Variants in RP2 observed in about 807,000 individuals in gnomAD.
The protein encoded by RP2 is RP2 activator of ARL3 GTPase.
Under a neutral mutation model 20.3 loss-of-function variants are expected in RP2, and 3 were observed. The observed-to-expected ratio is 0.15, with a 90% confidence interval of 0.07 to 0.38. RP2 has a LOEUF of 0.38. RP2 is among the 10% of genes least tolerant of loss of function. The pLI is 1.00. For synonymous variants in RP2, 75 were observed against 94.8 expected, an observed-to-expected ratio of 0.79 and a Z score of 1.22; for missense variants, 233 against 268.5, an observed-to-expected ratio of 0.87 and a Z score of 0.92.
At chrX:46,866,052 GCT>G (rs1288280843) in intron 3 of RP2, among the ~76,000 whole-genome samples, 1 of 111,672 alleles carries the variant, frequency 9.0e-6, no homozygotes, top group Non-Finnish European at 1.9e-5. Context: ...ACCATCTGGA[GCT>G]CTTTTAGGTT....
intron 1 of RP2, among the ~76,000 whole-genome samples, chrX:46,842,708 C>T (rs1161768901): frequency 8.9e-6 from 1 of 111,839 alleles, no homozygotes; most frequent in African/African-American, 3.3e-5. Context: ...GGACATTTCA[C>T]TTCATTGGAG....
rs1924903665 is a variant in RP2, at chrX:46,853,739, T to C, written c.366T>C (p.Cys122=). 4.1e-6 allele frequency: 5 copies of C among 1,210,619 alleles called. No individual in the cohort carries two copies. The highest frequency in any genetic ancestry group is 5.6e-6 in the Non-Finnish European group (5 of 895,470). Residue 122 remains cysteine (C), a synonymous_variant, in exon 2 of 5, where the codon TGT becomes TGC. Coordinates refer to ENST00000218340, the MANE Select transcript of RP2 (RefSeq NM_006915.3). ...GCCAACAATTTCGTGTGCGAGATTG[T>C]AGAAAGCTGGAAGTCTTTTTGTGTT... ...LACQQFRVRD[C]RKLEVFLCCA...
intron 1 of RP2, among the ~76,000 whole-genome samples, chrX:46,838,951 A>C (rs782526810): frequency 4.7e-4 from 53 of 111,840 alleles, no homozygotes; most frequent in Non-Finnish European, 8.3e-4. Flanking sequence ...GAGTTGTAAG[A>C]GATGTTATTG....
rs1159485221 is a variant in RP2 at position 46,869,353 on chromosome X, G to A, written c.884-8152G>A. ...TGCTCTTTGTTGCCCAGGCTGGACT[G>A]CGATGGCGCGATCTTGGCTCACCGC... On this transcript the variant is annotated intron_variant, in intron 3 of 4. Transcript: ENST00000218340. 2.8e-5 allele frequency among the ~76,000 whole-genome samples: 3 copies of A among 106,617 alleles called. No homozygotes were observed. The Admixed American group carries it at 3.0e-4, about 11-fold the overall frequency. 92.6% of individuals were successfully genotyped at this position (106,617 alleles called of 115,157 possible). A position where few individuals can be genotyped will look rare whatever the true frequency, so the allele number is the denominator to read the frequency against.
intron 1 of RP2, among the ~76,000 whole-genome samples, chrX:46,846,065 C>T (rs1390067164): frequency 1.8e-5 from 2 of 111,564 alleles, no homozygotes; most frequent in East Asian, 2.8e-4. Context: ...CACACCCAGC[C>T]GGGAGTTCCT....
chrX:46,865,704 C>T (rs186833803), intron 3 of RP2, among the ~76,000 whole-genome samples: 5,213 of 111,526 alleles, frequency 0.047, 297 homozygotes, highest in African/African-American at 0.16. Context: ...CTGAGGCAGG[C>T]GGATCACGAG....
At chrX:46,856,649 C>A (rs1405367952) in intron 2 of RP2, among the ~76,000 whole-genome samples, 6 of 111,570 alleles carry the variant, frequency 5.4e-5, no homozygotes, top group Non-Finnish European at 1.1e-4. Flanking sequence ...TAGGCCACAC[C>A]TTAACCCTTA....
chrX:46,870,823 G>A (rs533911006), intron 3 of RP2, among the ~76,000 whole-genome samples: 27 of 111,462 alleles, frequency 2.4e-4, no homozygotes, highest in African/African-American at 8.5e-4. Flanking sequence ...AATTTGAAAT[G>A]AAGGGATCTG....
intron 1 of RP2, among the ~76,000 whole-genome samples, chrX:46,847,767 T>TATACACAC (rs781898428): frequency 2.9e-4 from 20 of 68,493 alleles, no homozygotes; most frequent in East Asian, 2.1e-3. Context: ...TATACACACA[T>TATACACAC]GTGTGTGTGT....
chrX:46,847,730 GTA>G (rs782429449), intron 1 of RP2, among the ~76,000 whole-genome samples: 2 of 89,851 alleles, frequency 2.2e-5, no homozygotes, highest in African/African-American at 8.5e-5. Flanking sequence ...ATGTGTGTGT[GTA>G]TATACACACA....
At chrX:46,878,355 C>T (rs1444512751) in intron 4 of RP2, among the ~76,000 whole-genome samples, 9 of 97,132 alleles carry the variant, frequency 9.3e-5, no homozygotes, top group African/African-American at 3.5e-4. Flanking sequence ...CCAGCCTGGG[C>T]GACAGAGCGA....
At chrX:46,859,356 G>A (rs897813715) in intron 2 of RP2, among the ~76,000 whole-genome samples, 2 of 108,963 alleles carry the variant, frequency 1.8e-5, no homozygotes, top group African/African-American at 3.3e-5. Flanking sequence ...ATGGTGGCAC[G>A]AGCTTGTAGT....
intron 1 of RP2, among the ~76,000 whole-genome samples, chrX:46,847,866 G>GTA (rs1167812505): frequency 3.1e-5 from 3 of 96,254 alleles, no homozygotes; most frequent in East Asian, 3.3e-4. Flanking sequence ...ATATGTGTGT[G>GTA]TATATATATA....
In RP2 at chrX:46,881,366, A is replaced by G. The variant is rs1011839628; in HGVS notation, c.*1597A>G. 11 of 111,619 alleles carry G rather than the reference A, an allele frequency of 9.9e-5. No individual in the cohort carries two copies. Among genetic ancestry groups the G allele is most frequent in the Non-Finnish European group, 1.7e-4 (9 of 53,127 alleles). 9.2% of individuals were successfully genotyped at this position (111,619 alleles called of 1,213,427 possible). A position where few individuals can be genotyped will look rare whatever the true frequency, so the allele number is the denominator to read the frequency against. On this transcript the variant is annotated 3_prime_UTR_variant, in exon 5 of 5. Transcript: ENST00000218340. ...TGGTGACAGATTTAATATAATTTTG[A>G]TCACAATTTACAAATGATCTTTGCA...
In RP2 at chrX:46,837,219, A is replaced by G. The variant is rs1188012124; in HGVS notation, c.102+17A>G. 1.3e-5 allele frequency: 15 copies of G among 1,158,776 alleles called. No individual in the cohort carries two copies. Among genetic ancestry groups the G allele is most frequent in the South Asian group, 1.9e-5 (1 of 52,376 alleles). ...CGCGAGAAGGTAATGAAAGTCGTGT[A>G]GCCGCCGTCTCAGCCTCCCTGAGCC... On this transcript the variant is annotated intron_variant, in intron 1 of 4. Coordinates refer to ENST00000218340, the MANE Select transcript of RP2 (RefSeq NM_006915.3).
In RP2 at chrX:46,879,850, T is replaced by C; in HGVS notation, c.*81T>C. ...AATTTGATAATACACTTTTGTGTAT[T>C]AGCAATGGTTTTTACTAATGCTAAA... On this transcript the variant is annotated 3_prime_UTR_variant, in exon 5 of 5. Transcript: ENST00000218340. The C allele has an allele frequency of 5.2e-6, 3 of 577,104 alleles. No homozygotes were observed. Among genetic ancestry groups the C allele is most frequent in the Non-Finnish European group, 8.4e-6 (3 of 357,315 alleles). 47.6% of individuals were successfully genotyped at this position (577,104 alleles called of 1,213,427 possible).
intron 1 of RP2, among the ~76,000 whole-genome samples, chrX:46,847,715 C>A: frequency 1.3e-5 from 1 of 78,113 alleles, no homozygotes; most frequent in Non-Finnish European, 2.5e-5. Flanking sequence ...TATATACACA[C>A]ATATATGTGT....
At chrX:46,848,962 C>T (rs1447222520) in intron 1 of RP2, among the ~76,000 whole-genome samples, 1 of 107,482 alleles carries the variant, frequency 9.3e-6, no homozygotes, top group Non-Finnish European at 1.9e-5. Flanking sequence ...CGGTGGAGGT[C>T]GAGGCTGCAG....
rs782053870 is a variant in RP2 at position 46,860,016 on chromosome X, A to G, written c.797A>G (p.Gln266Arg). Residue 266 changes from glutamine (Q) to arginine (R), a missense_variant, in exon 3 of 5, where the codon CAG (glutamine) becomes CGG (arginine). Transcript: ENST00000218340. The part of the protein sequence containing the change: ...EMVGKGFFLV[Q>R]TKEVSMKAED... ...GTTGGTAAAGGCTTTTTCCTAGTTC[A>G]GACAAAGGAAGTGTCCATGAAAGCT... 2.5e-6 allele frequency: 3 copies of G among 1,209,700 alleles called. No homozygotes were observed. The Admixed American group carries it at 6.5e-5, about 26-fold the overall frequency.
Sources: allele counts gnomAD v4.1 joint callset (sites outside exome capture counted in the v4.1 genomes callset), GRCh38; gene constraint gnomAD v4.1.1; transcripts MANE v1.5; gene names NCBI Gene and HGNC (gene_info 2026-07-23, HGNC 2026-07-21).